FLRT1: variants seen among roughly 807,000 people sequenced by gnomAD.
FLRT1 encodes fibronectin leucine rich transmembrane protein 1.
Under a neutral mutation model 30.9 loss-of-function variants are expected in FLRT1, and 14 were observed. The ratio of observed to expected loss-of-function variants is 0.45; its 90% CI spans 0.30 to 0.71. The LOEUF is 0.71. FLRT1 is among the 30% of genes least tolerant of loss of function. The pLI is 0.08. For missense variants in FLRT1, 737 were observed against 949.2 expected, an observed-to-expected ratio of 0.78 and a Z score of 2.94; for synonymous variants, 368 against 430.4, an observed-to-expected ratio of 0.85 and a Z score of 1.80.
intron 2 of FLRT1, 117 bp from the exon 3 acceptor site, chr11:64,116,102 G>A: frequency 9.4e-7 from 1 of 1,065,590 alleles, no homozygotes; most frequent in East Asian, 2.6e-5. Context: ...CACCCCGCAG[G>A]ACCGGACTTC....
intron 2 of FLRT1, among the ~76,000 whole-genome samples, chr11:64,108,249 G>T (rs1416316491): frequency 6.6e-6 from 1 of 151,562 alleles, no homozygotes; most frequent in African/African-American, 2.4e-5. Flanking sequence ...GGAGGCAGAG[G>T]TTGCGGTGAG....
At chr11:64,039,906 T>A (rs1199381496) in intron 1 of FLRT1, among the ~76,000 whole-genome samples, 1 of 151,810 alleles carries the variant, frequency 6.6e-6, no homozygotes, top group Non-Finnish European at 1.5e-5. Flanking sequence ...GGAGGATGGG[T>A]GGGAGTTTGG....
intron 2 of FLRT1, among the ~76,000 whole-genome samples, chr11:64,106,027 A>T (rs1944757395): frequency 6.6e-6 from 1 of 152,104 alleles, no homozygotes; most frequent in African/African-American, 2.4e-5. Context: ...CACCTCTGAT[A>T]GTTGGAGACA....
In FLRT1 at chr11:64,116,762, C is replaced by G. The variant is rs767596236; in HGVS notation, c.495C>G (p.Thr165=). The part of the protein sequence containing the change: ...KLHLDDNSVS[T]VSIEEDAFAD... ...ACCTGGATGACAACTCCGTGTCCACCGTCAGCATTGAGGAGGACGCCTTCG... is the reference window on the plus strand; with the variant it reads ...ACCTGGATGACAACTCCGTGTCCACGGTCAGCATTGAGGAGGACGCCTTCG... The change falls in exon 3 of 3, where the codon ACC becomes ACG. Residue 165 remains threonine (T), a synonymous_variant. Transcript: ENST00000682287. 1 of 1,613,670 alleles carries G rather than the reference C, an allele frequency of 6.2e-7. No homozygotes were observed.
intron 1 of FLRT1, among the ~76,000 whole-genome samples, chr11:64,042,205 C>T (rs1201815181): frequency 2.0e-5 from 3 of 152,196 alleles, no homozygotes; most frequent in Non-Finnish European, 4.4e-5. Context: ...CATGCTCACA[C>T]CTAACCCACC....
At chr11:64,072,331 C>A (rs1010470899) in intron 1 of FLRT1, among the ~76,000 whole-genome samples, 1 of 152,086 alleles carries the variant, frequency 6.6e-6, no homozygotes, top group East Asian at 1.9e-4. Context: ...CCAGGGCGAG[C>A]CTTTGGGGGT....
At chr11:64,106,315 G>A (rs1209959639) in intron 2 of FLRT1, among the ~76,000 whole-genome samples, 2 of 152,116 alleles carry the variant, frequency 1.3e-5, no homozygotes, top group African/African-American at 4.8e-5. Flanking sequence ...GTGGGCTGTA[G>A]GAAGGCCAGC....
At chr11:64,065,012 G>A (rs905223364) in intron 1 of FLRT1, among the ~76,000 whole-genome samples, 2 of 152,158 alleles carry the variant, frequency 1.3e-5, no homozygotes, top group Non-Finnish European at 2.9e-5. Flanking sequence ...AGCCAGAGGC[G>A]GGCAATGCTG....
chr11:64,047,484 T>C (rs1243130629), intron 1 of FLRT1, among the ~76,000 whole-genome samples: 1 of 152,136 alleles, frequency 6.6e-6, no homozygotes, highest in East Asian at 1.9e-4. Flanking sequence ...AGTGACCAGC[T>C]TGGCATTCCC....
chr11:64,105,625 A>G (rs577483817), intron 2 of FLRT1, among the ~76,000 whole-genome samples: 1 of 152,222 alleles, frequency 6.6e-6, no homozygotes, highest in Admixed American at 6.5e-5. Context: ...CCCCACAGGC[A>G]TGAGTGACCC....
rs1020301013 is a variant in FLRT1 at position 64,067,162 on chromosome 11, C to T, written c.-1038+31003C>T. Among the ~76,000 whole-genome samples, 6 of 152,076 alleles carry T rather than the reference C, an allele frequency of 3.9e-5. No individual in the cohort carries two copies. Among genetic ancestry groups the T allele is most frequent in the African/African-American group, 9.7e-5 (4 of 41,404 alleles). On this transcript the variant is annotated intron_variant, in intron 1 of 2. Coordinates refer to ENST00000682287, the MANE Select transcript of FLRT1 (RefSeq NM_013280.5). The surrounding 1 kb of genome is among the most constrained non-coding windows in gnomAD (Gnocchi z 4.6). ...GGCAGGGCTGGTGGGGGTGGGAGGC[C>T]GGCCATACCCACCTGTAGGCACATG...
At chr11:64,111,655 G>A (rs1489392754) in intron 2 of FLRT1, among the ~76,000 whole-genome samples, 1 of 152,204 alleles carries the variant, frequency 6.6e-6, no homozygotes, top group Non-Finnish European at 1.5e-5. Flanking sequence ...TGCCTGTGAA[G>A]GGGGGTGGGT....
At chr11:64,092,021 T>C (rs1319333750) in intron 1 of FLRT1, among the ~76,000 whole-genome samples, 1 of 152,144 alleles carries the variant, frequency 6.6e-6, no homozygotes, top group Non-Finnish European at 1.5e-5. Context: ...CCCCACGTGA[T>C]CTCAGCTCCT....
chr11:64,049,911 C>A (rs1453160244), intron 1 of FLRT1, among the ~76,000 whole-genome samples: 1 of 152,240 alleles, frequency 6.6e-6, no homozygotes, highest in African/African-American at 2.4e-5. Flanking sequence ...GACCAAGACG[C>A]TGTGGCCCCG....
chr11:64,055,272 C>T (rs1195042196), intron 1 of FLRT1, among the ~76,000 whole-genome samples: 1 of 152,246 alleles, frequency 6.6e-6, no homozygotes, highest in Non-Finnish European at 1.5e-5. Context: ...TTGAGCGGGA[C>T]ACCATGCAGT....
At chr11:64,100,094 T>A (rs1031372482) in intron 1 of FLRT1, among the ~76,000 whole-genome samples, 2 of 152,166 alleles carry the variant, frequency 1.3e-5, no homozygotes, top group African/African-American at 2.4e-5. Context: ...CAAGTCCTGC[T>A]CCCTCTTCTC....
In FLRT1 at chr11:64,118,153, C is replaced by T; in HGVS notation, c.1886C>T (p.Ala629Val). ...LQMLPINPYR[A>V]KEEYVVHTIF... Reference sequence around the variant, plus strand: ...ATGCTGCCCATCAACCCGTACCGCGCCAAAGAAGAGTACGTGGTCCACACT... The same window carrying T: ...ATGCTGCCCATCAACCCGTACCGCGTCAAAGAAGAGTACGTGGTCCACACT... The change falls in exon 3 of 3, where the codon GCC (alanine) becomes GTC (valine). Residue 629 changes from alanine (A) to valine (V), a missense_variant. Ala to Val is a moderately conservative substitution (Grantham distance 64). Transcript: ENST00000682287. The T allele has an allele frequency of 6.2e-7, 1 of 1,613,836 alleles. No homozygotes were observed. Among genetic ancestry groups the T allele is most frequent in the South Asian group, 1.1e-5 (1 of 91,074 alleles).
chr11:64,117,095 C>A lies in FLRT1; in HGVS notation c.828C>A (p.Tyr276Ter). ...CCAGCGCCCACCTGCAGAAGCTCTA[C>A]CTGCAGGACAATGCCATCAGCCACA... ...NLPSAHLQKL[Y>*]LQDNAISHIP... Residue 276 changes from tyrosine (Y) to a stop codon, truncating the protein, a stop_gained, in exon 3 of 3, where the codon TAC becomes TAA. Transcript: ENST00000682287. LOFTEE classifies it high-confidence loss of function. 1.9e-6 allele frequency: 3 copies of A among 1,605,174 alleles called. No individual in the cohort carries two copies. Among genetic ancestry groups the A allele is most frequent in the Non-Finnish European group, 2.6e-6 (3 of 1,175,994 alleles).
At chr11:64,060,853 C>A (rs554914364) in intron 1 of FLRT1, among the ~76,000 whole-genome samples, 5 of 152,162 alleles carry the variant, frequency 3.3e-5, no homozygotes, top group East Asian at 1.9e-4. Context: ...CGGGTGTGAA[C>A]GGGGCCAAAG....
Sources: allele counts gnomAD v4.1 joint callset (sites outside exome capture counted in the v4.1 genomes callset), GRCh38; gene constraint gnomAD v4.1.1; non-coding constraint Gnocchi (gnomAD v3.1); transcripts MANE v1.5; gene names NCBI Gene and HGNC (gene_info 2026-07-23, HGNC 2026-07-21).